The following KIF26B variants were observed in gnomAD, a reference collection of about 807,000 sequenced individuals.
KIF26B encodes kinesin-like protein KIF26B.
A neutral mutation model predicts 151.2 loss-of-function variants in KIF26B; 63 were observed. The ratio of observed to expected loss-of-function variants is 0.42; its 90% CI spans 0.34 to 0.51. The LOEUF is 0.51. Among genes scored for constraint, KIF26B ranks in the 20% least tolerant of loss-of-function variants. The probability of loss-of-function intolerance (pLI) is 0.07; values close to 1 mark genes in which losing one functional copy is unlikely to be tolerated. For synonymous variants in KIF26B, 1,357 were observed against 1,262.1 expected (o/e 1.08, Z -1.59); for missense variants, 2,813 against 2,913.6 (o/e 0.97, Z 0.79).
chr1:245,462,631 G>GT (rs1389816297), intron 4 of KIF26B, among the ~76,000 whole-genome samples: 1 of 152,156 alleles, frequency 6.6e-6, no homozygotes, highest in Non-Finnish European at 1.5e-5. Context: ...CAGCCACCCT[G>GT]TATCAGGTAC....
chr1:245,416,545 C>T (rs1056551316), intron 3 of KIF26B, among the ~76,000 whole-genome samples: 1 of 152,034 alleles, frequency 6.6e-6, no homozygotes, highest in African/African-American at 2.4e-5. Context: ...AAATGACTTA[C>T]TATTAAATGC....
intron 3 of KIF26B, among the ~76,000 whole-genome samples, chr1:245,407,085 G>C (rs537726633): frequency 5.3e-5 from 8 of 152,288 alleles, no homozygotes; most frequent in Non-Finnish European, 1.0e-4. Context: ...ACTGTGCCCG[G>C]CCCAGGTCTA....
intron 5 of KIF26B, among the ~76,000 whole-genome samples, chr1:245,565,418 A>T (rs2043000378): frequency 6.6e-6 from 1 of 151,966 alleles, no homozygotes. Context: ...CCTCCTGAGT[A>T]GCTGGGACTA....
intron 4 of KIF26B, among the ~76,000 whole-genome samples, chr1:245,480,383 A>G (rs953381022): frequency 3.3e-5 from 5 of 151,752 alleles, no homozygotes; most frequent in Non-Finnish European, 7.4e-5. Flanking sequence ...ACCCACAGTC[A>G]GGGGTCAGTC....
intron 2 of KIF26B, among the ~76,000 whole-genome samples, chr1:245,258,648 C>T (rs1265093418): frequency 6.6e-5 from 10 of 152,104 alleles, no homozygotes; most frequent in African/African-American, 2.2e-4. Flanking sequence ...CGTCTCATTC[C>T]AAGAGCCTTC....
chr1:245,622,090 AT>A (rs1478637316), intron 9 of KIF26B, among the ~76,000 whole-genome samples: 1 of 137,524 alleles, frequency 7.3e-6, no homozygotes, highest in African/African-American at 2.5e-5. Context: ...TCCTGTCTAT[AT>A]AATTAGGCTG....
At chr1:245,607,895 G>A (rs1295924502) in intron 7 of KIF26B, among the ~76,000 whole-genome samples, 151 bp downstream of exon 7, 3 of 152,192 alleles carry the variant, frequency 2.0e-5, no homozygotes, top group African/African-American at 7.2e-5. Flanking sequence ...GTTATACGAC[G>A]AAAACCTATG....
At chr1:245,340,185 A>G (rs1672308444) in intron 2 of KIF26B, among the ~76,000 whole-genome samples, 1 of 152,236 alleles carries the variant, frequency 6.6e-6, no homozygotes, top group Admixed American at 6.5e-5. Flanking sequence ...TACAGAAACT[A>G]AAATCCACAA....
chr1:245,214,382 A>AT (rs1328063930), intron 2 of KIF26B, among the ~76,000 whole-genome samples: 2 of 152,102 alleles, frequency 1.3e-5, no homozygotes, highest in African/African-American at 4.8e-5. Context: ...CTCTAAAAAC[A>AT]TTTTTTTAAT....
chr1:245,406,221 G>A (rs1006049430), intron 3 of KIF26B, among the ~76,000 whole-genome samples: 53 of 152,098 alleles, frequency 3.5e-4, no homozygotes, highest in African/African-American at 9.7e-4. Context: ...GAGATGAGTC[G>A]CCCATAGCCT....
At chr1:245,435,785 G>A (rs1025863244) in intron 4 of KIF26B, among the ~76,000 whole-genome samples, 3 of 152,160 alleles carry the variant, frequency 2.0e-5, no homozygotes, top group Non-Finnish European at 4.4e-5. Flanking sequence ...CCCTAGGTCC[G>A]AGGTGGCCAC....
At chr1:245,325,836 A>AG (rs775762704) in intron 2 of KIF26B, among the ~76,000 whole-genome samples, 6 of 152,038 alleles carry the variant, frequency 3.9e-5, no homozygotes, top group African/African-American at 7.2e-5. Flanking sequence ...TGTGTGGCGG[A>AG]GGGGGGGTGG....
intron 10 of KIF26B, among the ~76,000 whole-genome samples, chr1:245,661,784 TAC>T (rs2044143653): frequency 1.3e-5 from 1 of 77,680 alleles, no homozygotes; most frequent in Non-Finnish European, 2.9e-5. Context: ...ATGATATATA[TAC>T]ACATACACAC....
At position 245,576,965 on chromosome 1, in the gene KIF26B, A is replaced by G. The variant is rs2043124362; in HGVS notation, c.1351-25612A>G. Among the ~76,000 whole-genome samples the G allele has an allele frequency of 2.0e-5, 3 of 152,204 alleles. No homozygotes were observed. In the South Asian group the frequency reaches 6.2e-4, roughly 32 times the overall value. On this transcript the variant is annotated intron_variant, in intron 5 of 14. Transcript: ENST00000407071. Reference sequence around the variant, plus strand: ...AAGGCACAGTCCCTTATTACTGATAAGAGCTACTGTCATTTCACTTATATA... The same window carrying G: ...AAGGCACAGTCCCTTATTACTGATAGGAGCTACTGTCATTTCACTTATATA...
At chr1:245,462,275 G>C (rs936947689) in intron 4 of KIF26B, among the ~76,000 whole-genome samples, 2 of 152,212 alleles carry the variant, frequency 1.3e-5, no homozygotes, top group Non-Finnish European at 2.9e-5. Context: ...TGAGAATGGA[G>C]GGTGTTATGT....
chr1:245,287,211 G>A, intron 2 of KIF26B, among the ~76,000 whole-genome samples: 1 of 152,166 alleles, frequency 6.6e-6, no homozygotes, highest in South Asian at 2.1e-4. Flanking sequence ...TTTTTCCATT[G>A]TGGTGATCAG....
chr1:245,662,133 C>T (rs952252004), intron 10 of KIF26B, among the ~76,000 whole-genome samples: 25 of 149,956 alleles, frequency 1.7e-4, no homozygotes, highest in African/African-American at 5.7e-4. Flanking sequence ...ATGATATATA[C>T]ATACACACAC....
Position 245,667,494 on chromosome 1 carries a change from C to T in KIF26B, c.2259-16739C>T, listed in dbSNP as rs1018266484. 6.6e-6 allele frequency among the ~76,000 whole-genome samples: 1 copy of T among 151,926 alleles called. No homozygotes were observed. The highest frequency in any genetic ancestry group is 1.5e-5 in the Non-Finnish European group (1 of 67,992). ...GTGCCTGGCCTGCTTTGGTTTTATT[C>T]TGACTGTGGCTCCTAGGAAGAAAAA... On this transcript the variant is annotated intron_variant, in intron 10 of 14. Transcript: ENST00000407071. This position sits in a 1 kb window ranked among gnomAD's most constrained non-coding sequence, Gnocchi z 4.3.
chr1:245,262,363 T>G (rs893933207), intron 2 of KIF26B, among the ~76,000 whole-genome samples: 8 of 152,242 alleles, frequency 5.3e-5, no homozygotes, highest in Admixed American at 2.6e-4. Context: ...GGGGCGGGTC[T>G]TCTGAACATC....
Sources: allele counts gnomAD v4.1 joint callset (sites outside exome capture counted in the v4.1 genomes callset), GRCh38; gene constraint gnomAD v4.1.1; non-coding constraint Gnocchi (gnomAD v3.1); transcripts MANE v1.5; gene names NCBI Gene and HGNC (gene_info 2026-07-23, HGNC 2026-07-21).